The following PLXNA2 variants were observed in gnomAD, a reference collection of about 807,000 sequenced individuals.
PLXNA2 encodes plexin A2.
PLXNA2 carries 91 observed loss-of-function variants against 193.5 expected under a neutral mutation model. The ratio of observed to expected loss-of-function variants is 0.47; its 90% CI spans 0.40 to 0.56. The LOEUF (loss-of-function observed/expected upper bound fraction) is 0.56. PLXNA2 is among the 20% of genes least tolerant of loss of function. PLXNA2 has a pLI of 0.00. For missense variants in PLXNA2, 1,995 were observed against 2,503.2 expected (o/e 0.80, Z 4.33); for synonymous variants, 997 against 1,027.3 (o/e 0.97, Z 0.56).
chr1:208,179,876 C>T (rs1669781097), intron 3 of PLXNA2, among the ~76,000 whole-genome samples: 1 of 152,150 alleles, frequency 6.6e-6, no homozygotes, highest in Non-Finnish European at 1.5e-5. Context: ...CTGCCACCCC[C>T]CAACCCCTGC....
intron 26 of PLXNA2, among the ~76,000 whole-genome samples, chr1:208,035,683 T>C (rs1031433919): frequency 6.6e-6 from 1 of 152,206 alleles, no homozygotes; most frequent in Non-Finnish European, 1.5e-5. Flanking sequence ...CATAAAACAT[T>C]CCTATTAAAC....
At chr1:208,149,822 C>G (rs1437193083) in intron 3 of PLXNA2, among the ~76,000 whole-genome samples, 2 of 152,150 alleles carry the variant, frequency 1.3e-5, no homozygotes, top group Non-Finnish European at 2.9e-5. Flanking sequence ...CTATCCTGTA[C>G]ATACATTCAC....
rs1411198536 is a variant in PLXNA2, at chr1:208,022,730, GTTT to G, written c.*4510_*4512del. 2 of 152,522 alleles carry G rather than the reference GTTT, an allele frequency of 1.3e-5. No homozygotes were observed. Among genetic ancestry groups the G allele is most frequent in the African/African-American group, 2.4e-5 (1 of 41,466 alleles). 9.4% of individuals were successfully genotyped at this position (152,522 alleles called of 1,614,324 possible). A position where few individuals can be genotyped will look rare whatever the true frequency, so the allele number is the denominator to read the frequency against. ...GTGAGGACTTTGAAATGCAGAAGAT[GTTT>G]CCTACCTTCCTTGAGGCCAGGGTAG... is the stretch of plus-strand genomic sequence containing the variant. On this transcript the variant is annotated 3_prime_UTR_variant, in exon 32 of 32. Coordinates refer to ENST00000367033, the MANE Select transcript of PLXNA2 (RefSeq NM_025179.4).
intron 1 of PLXNA2, 58 bp downstream of exon 1, chr1:208,243,585 G>A (rs1672134808): frequency 6.6e-6 from 1 of 152,132 alleles, no homozygotes; most frequent in Non-Finnish European, 1.5e-5. Flanking sequence ...GTGCGCGCCT[G>A]TGGGGAGAGG....
chr1:208,139,939 C>T (rs1233289008), intron 4 of PLXNA2, among the ~76,000 whole-genome samples: 1 of 152,192 alleles, frequency 6.6e-6, no homozygotes, highest in Non-Finnish European at 1.5e-5. Flanking sequence ...CAGAGCTCCA[C>T]CACAAATCCC....
chr1:208,096,265 C>T (rs902991708), intron 7 of PLXNA2, 140 bp from the exon 8 acceptor site: 3 of 674,714 alleles, frequency 4.4e-6, no homozygotes, highest in South Asian at 1.8e-5. Context: ...CTGCCTGAAT[C>T]GTCTCTTCTC....
intron 3 of PLXNA2, among the ~76,000 whole-genome samples, chr1:208,207,218 C>A (rs556158134): frequency 6.6e-6 from 1 of 152,298 alleles, no homozygotes; most frequent in East Asian, 1.9e-4. Flanking sequence ...GTTGGCCGGG[C>A]TGGTCTTGAA....
rs564319847 is a variant in PLXNA2, at chr1:208,091,598, C to T, written c.2097+1188G>A. On this transcript the variant is annotated intron_variant, in intron 9 of 31. Transcript: ENST00000367033. ...TATAGAAAGGCTATAGTAGGCCGGG[C>T]GGAGTGGCTCACACTTGTAACCCCA... is the stretch of plus-strand genomic sequence containing the variant. Among the ~76,000 whole-genome samples the T allele has an allele frequency of 1.0e-3, 152 of 152,236 alleles. 6 individuals carry two copies. The South Asian group carries it at 0.028, about 28-fold the overall frequency.
intron 17 of PLXNA2, among the ~76,000 whole-genome samples, chr1:208,050,398 A>G (rs531414127): frequency 6.6e-6 from 1 of 152,310 alleles, no homozygotes; most frequent in South Asian, 2.1e-4. Flanking sequence ...CACTTCCAAT[A>G]TGGGTTTTCA....
chr1:208,210,572 CAGA>C, intron 2 of PLXNA2, 110 bp from the exon 3 acceptor site: 2 of 922,082 alleles, frequency 2.2e-6, no homozygotes, highest in Non-Finnish European at 3.2e-6. Context: ...CTCAGAGAGG[CAGA>C]CATGGGAGTT....
chr1:208,102,891 C>A (rs926513144), intron 5 of PLXNA2, among the ~76,000 whole-genome samples: 2 of 152,214 alleles, frequency 1.3e-5, no homozygotes, highest in African/African-American at 4.8e-5. Context: ...AGGATATAAG[C>A]ACCTCACTTC....
chr1:208,171,016 A>G (rs1669479215), intron 3 of PLXNA2, among the ~76,000 whole-genome samples: 1 of 152,210 alleles, frequency 6.6e-6, no homozygotes, highest in South Asian at 2.1e-4. Flanking sequence ...AGGAAGGAAG[A>G]CTTCCTGGAG....
At chr1:208,186,794 A>C (rs1372600376) in intron 3 of PLXNA2, among the ~76,000 whole-genome samples, 5 of 148,446 alleles carry the variant, frequency 3.4e-5, no homozygotes. Flanking sequence ...ATCTCGGCTC[A>C]CTGCAAGCTC....
chr1:208,100,119 A>G (rs778866438), intron 5 of PLXNA2, among the ~76,000 whole-genome samples: 12 of 152,072 alleles, frequency 7.9e-5, no homozygotes, highest in Admixed American at 3.9e-4. Context: ...CACACCTGTA[A>G]TCCCAGCACT....
intron 4 of PLXNA2, among the ~76,000 whole-genome samples, chr1:208,124,547 C>T (rs1362437660): frequency 2.0e-5 from 3 of 151,794 alleles, no homozygotes; most frequent in Non-Finnish European, 2.9e-5. Flanking sequence ...GGCGTGGTGG[C>T]GGGCGCCTGT....
chr1:208,198,628 G>A (rs947517831), intron 3 of PLXNA2, among the ~76,000 whole-genome samples: 7 of 152,186 alleles, frequency 4.6e-5, no homozygotes, highest in African/African-American at 9.6e-5. Context: ...AGCGTGTGCC[G>A]AGGTGACAGC....
chr1:208,054,311 G>T, intron 14 of PLXNA2, 110 bp downstream of exon 14: 1 of 716,252 alleles, frequency 1.4e-6, no homozygotes. Flanking sequence ...CTCCTCCTTG[G>T]TCTGCAAGAA....
At chr1:208,137,234 A>C (rs936423583) in intron 4 of PLXNA2, among the ~76,000 whole-genome samples, 1 of 151,512 alleles carries the variant, frequency 6.6e-6, no homozygotes, top group African/African-American at 2.4e-5. Flanking sequence ...CTCCACTGTG[A>C]CTCCCTTTTT....
intron 3 of PLXNA2, among the ~76,000 whole-genome samples, chr1:208,167,019 G>A (rs1178843265): frequency 6.6e-6 from 1 of 152,174 alleles, no homozygotes; most frequent in East Asian, 1.9e-4. Flanking sequence ...CAGAGCTTGG[G>A]GCTACGTTGG....
Sources: allele counts gnomAD v4.1 joint callset (sites outside exome capture counted in the v4.1 genomes callset), GRCh38; gene constraint gnomAD v4.1.1; transcripts MANE v1.5; gene names NCBI Gene and HGNC (gene_info 2026-07-23, HGNC 2026-07-21).